Variants in RBFOX1 observed in about 807,000 individuals in gnomAD.
The protein encoded by RBFOX1 is RNA binding protein fox-1 homolog 1.
RBFOX1 carries 8 observed loss-of-function variants against 57.7 expected under a neutral mutation model. The ratio of observed to expected loss-of-function variants is 0.14; its 90% CI spans 0.08 to 0.25. The LOEUF (loss-of-function observed/expected upper bound fraction) is 0.25. Among genes scored for constraint, RBFOX1 ranks in the 10% least tolerant of loss-of-function variants. The pLI is 1.00. For synonymous variants in RBFOX1, 326 were observed against 222.4 expected, an observed-to-expected ratio of 1.47 and a Z score of -4.15; for missense variants, 611 against 548.5, an observed-to-expected ratio of 1.11 and a Z score of -1.14.
chr16:7,308,142 C>T (rs892665771), intron 4 of RBFOX1, among the ~76,000 whole-genome samples: 4 of 152,102 alleles, frequency 2.6e-5, no homozygotes, highest in African/African-American at 9.7e-5. Flanking sequence ...ACACACAGGA[C>T]ACAGAAATCT....
intron 2 of RBFOX1, among the ~76,000 whole-genome samples, chr16:5,569,615 T>C (rs772729146): frequency 3.3e-5 from 5 of 151,916 alleles, no homozygotes; most frequent in African/African-American, 9.7e-5. Context: ...TAGAGAGAGA[T>C]AAAATAAAGT....
chr16:7,237,263 G>A (rs979087237), intron 4 of RBFOX1, among the ~76,000 whole-genome samples: 89 of 152,168 alleles, frequency 5.8e-4, no homozygotes, highest in Admixed American at 5.4e-3. Flanking sequence ...TGGTCCCAGC[G>A]GGGACCATGA....
At chr16:7,096,594 A>G (rs1486890500) in intron 4 of RBFOX1, among the ~76,000 whole-genome samples, 2 of 152,126 alleles carry the variant, frequency 1.3e-5, no homozygotes, top group East Asian at 1.9e-4. Context: ...AACCCTGTGT[A>G]AAATATTTGC....
chr16:7,233,209 T>C (rs1361230775), intron 4 of RBFOX1, among the ~76,000 whole-genome samples: 1 of 133,942 alleles, frequency 7.5e-6, no homozygotes, highest in African/African-American at 2.8e-5. Context: ...CTTGCTAAAC[T>C]CATCCTTTTT....
intron 3 of RBFOX1, among the ~76,000 whole-genome samples, chr16:6,787,228 C>G (rs527345167): frequency 6.6e-6 from 1 of 152,198 alleles, no homozygotes; most frequent in South Asian, 2.1e-4. Context: ...ATAAAGCAGG[C>G]AGCATTCTCT....
In RBFOX1 at chr16:6,865,223, G is replaced by C. The variant is rs999678295; in HGVS notation, c.-15-186834G>C. On this transcript the variant is annotated intron_variant, in intron 3 of 15. Coordinates refer to ENST00000550418, the MANE Select transcript of RBFOX1 (RefSeq NM_018723.4). ...TTGCCATGTTGGCCAGGCTGGTCTC[G>C]AACTCCTGACCTCAGGTGATCCACC... is the stretch of plus-strand genomic sequence containing the variant. Among the ~76,000 whole-genome samples the C allele has an allele frequency of 3.3e-5, 5 of 151,750 alleles. No individual in the cohort carries two copies. In the East Asian group the frequency reaches 9.8e-4, roughly 30 times the overall value.
At chr16:5,280,605 C>T (rs1215519721) in intron 1 of RBFOX1, among the ~76,000 whole-genome samples, 1 of 152,144 alleles carries the variant, frequency 6.6e-6, no homozygotes, top group African/African-American at 2.4e-5. Context: ...TGATCCAAAC[C>T]TGCTATTCAT....
intron 4 of RBFOX1, among the ~76,000 whole-genome samples, chr16:7,243,955 A>T (rs574030096): frequency 8.7e-4 from 124 of 141,846 alleles, no homozygotes; most frequent in African/African-American, 3.4e-3. Context: ...CTGAAGTCAC[A>T]TACAAAACTC....
chr16:7,516,750 C>A (rs978353910), intron 4 of RBFOX1, among the ~76,000 whole-genome samples: 2 of 152,144 alleles, frequency 1.3e-5, no homozygotes, highest in South Asian at 2.1e-4. Flanking sequence ...AAGCTTAGTT[C>A]TCTTCCAAGT....
intron 4 of RBFOX1, among the ~76,000 whole-genome samples, chr16:7,101,112 C>G (rs953342364): frequency 1.3e-5 from 2 of 152,154 alleles, no homozygotes; most frequent in African/African-American, 4.8e-5. Flanking sequence ...TGCTATGGTA[C>G]TTTTAAGGCA....
chr16:6,865,950 A>C (rs1256607670), intron 3 of RBFOX1, among the ~76,000 whole-genome samples: 1 of 152,206 alleles, frequency 6.6e-6, no homozygotes, highest in Non-Finnish European at 1.5e-5. Context: ...TTGCACAGTA[A>C]TGTCTAAATC....
At chr16:5,369,047 G>T (rs1243320819) in intron 1 of RBFOX1, among the ~76,000 whole-genome samples, 1 of 152,178 alleles carries the variant, frequency 6.6e-6, no homozygotes, top group Non-Finnish European at 1.5e-5. Flanking sequence ...TGTTGCCCAG[G>T]CTGGAGTGCA....
chr16:7,347,400 C>A (rs1283270319), intron 4 of RBFOX1, among the ~76,000 whole-genome samples: 3 of 152,030 alleles, frequency 2.0e-5, no homozygotes, highest in Admixed American at 2.0e-4. Context: ...TTTTTAAAAT[C>A]ATCAGGTTTC....
intron 2 of RBFOX1, among the ~76,000 whole-genome samples, chr16:6,544,955 C>A (rs572926882): frequency 6.6e-6 from 1 of 152,098 alleles, no homozygotes; most frequent in African/African-American, 2.4e-5. Flanking sequence ...GAGGATTAGG[C>A]AAAGGGTGAT....
At chr16:6,372,605 A>G (rs1163657017) in intron 2 of RBFOX1, among the ~76,000 whole-genome samples, 3 of 140,100 alleles carry the variant, frequency 2.1e-5, no homozygotes, top group African/African-American at 5.4e-5. Context: ...AGGATAGTTC[A>G]TTGGGATCAC....
intron 4 of RBFOX1, among the ~76,000 whole-genome samples, chr16:7,373,246 T>G (rs1022952650): frequency 2.0e-5 from 3 of 152,186 alleles, no homozygotes; most frequent in Non-Finnish European, 2.9e-5. Flanking sequence ...ATTGCATTAC[T>G]TTTAATTCTA....
At chr16:5,369,719 C>A (rs1021418224) in intron 1 of RBFOX1, among the ~76,000 whole-genome samples, 1 of 152,162 alleles carries the variant, frequency 6.6e-6, no homozygotes, top group Non-Finnish European at 1.5e-5. Context: ...AGTCAGGATC[C>A]TTTGTGTGGT....
At chr16:6,805,570 A>G (rs746026104) in intron 3 of RBFOX1, among the ~76,000 whole-genome samples, 2 of 149,884 alleles carry the variant, frequency 1.3e-5, no homozygotes, top group Non-Finnish European at 2.9e-5. Flanking sequence ...CAGTTATCAC[A>G]TTGAAAGGAA....
At chr16:5,344,108 G>C (rs2065090650) in intron 1 of RBFOX1, among the ~76,000 whole-genome samples, 1 of 152,314 alleles carries the variant, frequency 6.6e-6, no homozygotes, top group Non-Finnish European at 1.5e-5. Flanking sequence ...ATCTACATCA[G>C]TAATGGGTTT....
Sources: allele counts gnomAD v4.1 joint callset (sites outside exome capture counted in the v4.1 genomes callset), GRCh38; gene constraint gnomAD v4.1.1; transcripts MANE v1.5; gene names NCBI Gene and HGNC (gene_info 2026-07-23, HGNC 2026-07-21).